ENOX2: variants seen among roughly 807,000 people sequenced by gnomAD.
ENOX2 encodes APK1 antigen.
Under a neutral mutation model 45.0 loss-of-function variants are expected in ENOX2, and 36 were observed. The ratio of observed to expected loss-of-function variants is 0.80; its 90% CI spans 0.61 to 1.06. The LOEUF (loss-of-function observed/expected upper bound fraction) is 1.06, where lower values mean the gene tolerates loss of function less well. Ranked by LOEUF, ENOX2 falls within the 50% of genes least tolerant of loss-of-function variation. ENOX2 has a pLI of 0.00. For missense variants in ENOX2, 423 were observed against 462.5 expected (o/e 0.91, Z 0.78); for synonymous variants, 174 against 152.3 (o/e 1.14, Z -1.05).
At chrX:130,851,471 CTTTTT>C (rs780960248) in intron 2 of ENOX2, among the ~76,000 whole-genome samples, 1 of 103,100 alleles carries the variant, frequency 9.7e-6, no homozygotes, top group Non-Finnish European at 2.0e-5. Context: ...CTTTTTTTTC[CTTTTT>C]TTTTTATTAT....
chrX:130,792,935 A>T (rs1257319955), intron 2 of ENOX2, among the ~76,000 whole-genome samples: 1 of 112,900 alleles, frequency 8.9e-6, no homozygotes, highest in East Asian at 2.8e-4. Flanking sequence ...TATTTATATA[A>T]CATTTCAATC....
intron 3 of ENOX2, among the ~76,000 whole-genome samples, chrX:130,716,103 C>A (rs900612601): frequency 1.8e-5 from 2 of 110,934 alleles, no homozygotes; most frequent in Non-Finnish European, 1.9e-5. Context: ...TAGATTGGTG[C>A]AAAAGTAATT....
At chrX:130,711,643 T>C (rs1282554507) in intron 3 of ENOX2, among the ~76,000 whole-genome samples, 3 of 111,336 alleles carry the variant, frequency 2.7e-5, no homozygotes, top group Non-Finnish European at 5.7e-5. Context: ...GAGTTGTGAG[T>C]GTGGCAGGGT....
At chrX:130,646,020 G>A in intron 10 of ENOX2, 1 of 578,977 alleles carries the variant, frequency 1.7e-6, no homozygotes. Context: ...GGATTTGCTG[G>A]TGAATGGCTG....
At chrX:130,850,768 T>C (rs1405559760) in intron 2 of ENOX2, among the ~76,000 whole-genome samples, 3 of 112,362 alleles carry the variant, frequency 2.7e-5, no homozygotes, top group Admixed American at 1.9e-4. Context: ...GTCTCCAAAG[T>C]AGGTAAATCA....
chrX:130,764,344 T>C (rs2148359282), intron 3 of ENOX2, among the ~76,000 whole-genome samples: 1 of 111,227 alleles, frequency 9.0e-6, no homozygotes, highest in Admixed American at 9.6e-5. Context: ...ACCTAATTTC[T>C]TCATATGATT....
intron 2 of ENOX2, among the ~76,000 whole-genome samples, chrX:130,833,791 C>CCTTTACCTTTTA (rs1297150368): frequency 9.0e-6 from 1 of 111,491 alleles, no homozygotes; most frequent in East Asian, 2.8e-4. Flanking sequence ...GGTTTAAGGT[C>CCTTTACCTTTTA]CTTCTTTACC....
At chrX:130,670,891 C>T (rs769572190) in intron 6 of ENOX2, among the ~76,000 whole-genome samples, 1 of 111,102 alleles carries the variant, frequency 9.0e-6, no homozygotes, top group African/African-American at 3.3e-5. Flanking sequence ...GCTATACTTA[C>T]CCAAGTCATG....
chrX:130,806,827 CT>C (rs2077308339), intron 2 of ENOX2, among the ~76,000 whole-genome samples: 1 of 110,204 alleles, frequency 9.1e-6, no homozygotes, highest in Admixed American at 9.5e-5. Context: ...TTTTATAACT[CT>C]GGGGGTTAAA....
rs188014792 is a variant in ENOX2 at position 130,780,821 on chromosome X, C to T, written c.-39+2726G>A. On this transcript the variant is annotated intron_variant, in intron 3 of 14. Coordinates refer to ENST00000394363, the MANE Select transcript of ENOX2 (RefSeq NM_006375.4). ...CTGGATCTGCAAGCAAATATCCCTC[C>T]CTCGTTTGCAGGGAAGGAGAGGGAG... Among the ~76,000 whole-genome samples the T allele has an allele frequency of 2.5e-3, 283 of 111,293 alleles. 2 individuals carry two copies. Among genetic ancestry groups the T allele is most frequent in the Middle Eastern group, 0.014 (3 of 214 alleles).
chrX:130,804,829 C>T lies in ENOX2; in HGVS notation c.-182-21139G>A, dbSNP rs948864965. Reference sequence around the variant, plus strand: ...AATATCTCAATTCGCAGAGATCTCACACTTCCTGGTAAAACTTTGCCCATT... The same window carrying T: ...AATATCTCAATTCGCAGAGATCTCATACTTCCTGGTAAAACTTTGCCCATT... On this transcript the variant is annotated intron_variant, in intron 2 of 14. Coordinates refer to ENST00000394363, the MANE Select transcript of ENOX2 (RefSeq NM_006375.4). 2.7e-5 allele frequency among the ~76,000 whole-genome samples: 3 copies of T among 111,792 alleles called. No homozygotes were observed. The South Asian group carries it at 1.1e-3, about 42-fold the overall frequency.
In ENOX2 at chrX:130,635,077, G is replaced by A; in HGVS notation, c.1326C>T (p.Val442=). 1.8e-6 allele frequency: 2 copies of A among 1,139,841 alleles called. No individual in the cohort carries two copies. The highest frequency in any genetic ancestry group is 2.4e-6 in the Non-Finnish European group (2 of 835,594). 93.9% of individuals were successfully genotyped at this position (1,139,841 alleles called of 1,213,427 possible). ...LQGMQQHLLK[V]QEEYKKKEAE... ...CTTCTTTCTTTTTGTATTCCTCTTG[G>A]ACTTTGAGTAGATGCTACAAGAAAA... Residue 442 remains valine, a synonymous_variant, in exon 12 of 15, where the codon GTC becomes GTT. Coordinates refer to ENST00000394363, the MANE Select transcript of ENOX2 (RefSeq NM_006375.4).
intron 3 of ENOX2, among the ~76,000 whole-genome samples, chrX:130,743,370 C>G: frequency 8.9e-6 from 1 of 111,845 alleles, no homozygotes; most frequent in East Asian, 2.8e-4. Context: ...TTGTCTTCTG[C>G]TCTGGCCACC....
At chrX:130,800,605 G>A (rs2077201424) in intron 2 of ENOX2, among the ~76,000 whole-genome samples, 1 of 111,071 alleles carries the variant, frequency 9.0e-6, no homozygotes, top group African/African-American at 3.3e-5. Flanking sequence ...TTCCCTTTTG[G>A]AGATAGAATT....
intron 3 of ENOX2, among the ~76,000 whole-genome samples, chrX:130,762,554 C>A (rs1274487633): frequency 8.9e-6 from 1 of 112,097 alleles, no homozygotes; most frequent in African/African-American, 3.2e-5. Context: ...TGTACTCCAC[C>A]CTGGGTGAGA....
At chrX:130,660,004 T>C (rs751133551) in intron 9 of ENOX2, among the ~76,000 whole-genome samples, 1 of 112,106 alleles carries the variant, frequency 8.9e-6, no homozygotes, top group Non-Finnish European at 1.9e-5. Context: ...AACAGACCTA[T>C]GAACAAATTT....
At chrX:130,856,133 G>A (rs1013877366) in intron 2 of ENOX2, among the ~76,000 whole-genome samples, 4 of 112,284 alleles carry the variant, frequency 3.6e-5, no homozygotes, top group African/African-American at 1.3e-4. Flanking sequence ...AAATGTCTCA[G>A]CTACTCTAGA....
chrX:130,673,917 G>A (rs1022555868), intron 6 of ENOX2, among the ~76,000 whole-genome samples: 1 of 112,191 alleles, frequency 8.9e-6, no homozygotes, highest in African/African-American at 3.2e-5. Flanking sequence ...AATTCTGAAA[G>A]CAGCAAAAGA....
chrX:130,665,606 T>C, intron 9 of ENOX2, 37 bp downstream of exon 9: 1 of 962,621 alleles, frequency 1.0e-6, no homozygotes, highest in East Asian at 3.2e-5. Context: ...AAAGAAACTG[T>C]CCCCCCAAGG....
Sources: allele counts gnomAD v4.1 joint callset (sites outside exome capture counted in the v4.1 genomes callset), GRCh38; gene constraint gnomAD v4.1.1; transcripts MANE v1.5; gene names NCBI Gene and HGNC (gene_info 2026-07-23, HGNC 2026-07-21).